RYR3: variants seen among roughly 807,000 people sequenced by gnomAD.
RYR3 encodes the protein brain ryanodine receptor-calcium release channel.
RYR3 carries 207 observed loss-of-function variants against 584.3 expected under a neutral mutation model. The observed-to-expected ratio is 0.35, with a 90% confidence interval of 0.32 to 0.40. The LOEUF (loss-of-function observed/expected upper bound fraction) is 0.40. Ranked by LOEUF, RYR3 falls within the 10% of genes least tolerant of loss-of-function variation. The pLI is 1.00. For missense variants in RYR3, 5,616 were observed against 6,089.2 expected, an observed-to-expected ratio of 0.92 and a Z score of 2.59; for synonymous variants, 2,416 against 2,248.5, an observed-to-expected ratio of 1.07 and a Z score of -2.11.
intron 1 of RYR3, among the ~76,000 whole-genome samples, chr15:33,357,022 G>A (rs1974076274): frequency 6.6e-6 from 1 of 152,126 alleles, no homozygotes; most frequent in African/African-American, 2.4e-5. Flanking sequence ...GAAGTGGAAG[G>A]TGTCGTGTCC....
At chr15:33,444,837 A>G (rs12906772) in intron 1 of RYR3, among the ~76,000 whole-genome samples, 14,722 of 152,142 alleles carry the variant, frequency 0.097, 813 homozygotes, top group Non-Finnish European at 0.12. Flanking sequence ...GCACACCAAC[A>G]TGGCACATGT....
chr15:33,610,652 T>C (rs1183711848), intron 18 of RYR3, among the ~76,000 whole-genome samples: 1 of 152,248 alleles, frequency 6.6e-6, no homozygotes, highest in East Asian at 1.9e-4. Flanking sequence ...GAATCTGTTA[T>C]AGGTTGAGTA....
At position 33,669,849 on chromosome 15, in the gene RYR3, G is replaced by A. The variant is rs1296554038; in HGVS notation, c.5722+393G>A. Among the ~76,000 whole-genome samples the A allele has an allele frequency of 1.4e-4, 7 of 50,338 alleles. 1 individual carries two copies. The highest frequency in any genetic ancestry group is 3.4e-4 in the Non-Finnish European group (7 of 20,564). The allele number at this position is 50,338 out of a possible 152,430, so 33.0% of individuals were successfully genotyped here. A position where few individuals can be genotyped will look rare whatever the true frequency, so the allele number is the denominator to read the frequency against. On this transcript the variant is annotated intron_variant, in intron 37 of 103. Coordinates refer to ENST00000634891, the MANE Select transcript of RYR3 (RefSeq NM_001036.6). The stretch of plus-strand genomic sequence containing the variant: ...TATTAGGGGTGTGTGTGTGTGGGGG[G>A]GGGGGGGGGTGTGGGTGTGTGGGTG...
chr15:33,385,328 T>C (rs1275989170), intron 1 of RYR3, among the ~76,000 whole-genome samples: 1 of 152,206 alleles, frequency 6.6e-6, no homozygotes, highest in Admixed American at 6.5e-5. Context: ...AGAAATATGT[T>C]CTCTTTGCTA....
rs1567636706 is a variant in RYR3, at chr15:33,601,520, C to T, written c.1890C>T (p.Leu630=). ...CDNLLPRRNL[L]LQTRLINDVT... ...ACTTGCTGCCCCGGAGAAACCTACTCCTGCAGACACGACTGATTAACGATG... is the reference window on the plus strand; with the variant it reads ...ACTTGCTGCCCCGGAGAAACCTACTTCTGCAGACACGACTGATTAACGATG... The change falls in exon 17 of 104, where the codon CTC becomes CTT. Residue 630 remains leucine (L), a synonymous_variant. Coordinates refer to ENST00000634891, the MANE Select transcript of RYR3 (RefSeq NM_001036.6). 6.2e-7 allele frequency: 1 copy of T among 1,613,800 alleles called. No homozygotes were observed. Among genetic ancestry groups the T allele is most frequent in the South Asian group, 1.1e-5 (1 of 91,008 alleles).
chr15:33,584,595 A>G (rs1045764104), intron 15 of RYR3, 105 bp downstream of exon 15: 2 of 587,022 alleles, frequency 3.4e-6, no homozygotes, highest in Non-Finnish European at 6.0e-6. Flanking sequence ...ATTGCAAACA[A>G]TCCTCAAATC....
chr15:33,709,501 G>C (rs1446883216), intron 43 of RYR3, among the ~76,000 whole-genome samples: 2 of 152,224 alleles, frequency 1.3e-5, no homozygotes, highest in Non-Finnish European at 2.9e-5. Flanking sequence ...TTAATCCCGA[G>C]AGTTGGGAGA....
chr15:33,377,366 A>C (rs935824921), intron 1 of RYR3, among the ~76,000 whole-genome samples: 1 of 152,170 alleles, frequency 6.6e-6, no homozygotes, highest in Non-Finnish European at 1.5e-5. Context: ...CCAAGACCAC[A>C]TGGATGGGGA....
chr15:33,635,442 GTGA>G (rs1425363288), intron 25 of RYR3, among the ~76,000 whole-genome samples, 169 bp from the exon 26 acceptor site: 2 of 152,190 alleles, frequency 1.3e-5, no homozygotes, highest in Non-Finnish European at 2.9e-5. Context: ...AGCTTGTATG[GTGA>G]TGATGATGAC....
In RYR3 at chr15:33,733,001, G is replaced by A. The variant is rs909596395; in HGVS notation, c.7424+1307G>A. On this transcript the variant is annotated intron_variant, in intron 48 of 103. Coordinates refer to ENST00000634891, the MANE Select transcript of RYR3 (RefSeq NM_001036.6). The stretch of plus-strand genomic sequence containing the variant: ...AAAAAAACTCATCGGTCCTCACATC[G>A]ATGTGAGTAGAACATCACACCAAAA... Among the ~76,000 whole-genome samples, 5 of 152,294 alleles carry A rather than the reference G, an allele frequency of 3.3e-5. No individual in the cohort carries two copies. In the East Asian group the frequency reaches 7.7e-4, roughly 24 times the overall value.
Position 33,805,759 on chromosome 15 carries a change from G to A in RYR3, c.10012-1796G>A, listed in dbSNP as rs532017331. 7.9e-5 allele frequency among the ~76,000 whole-genome samples: 12 copies of A among 152,118 alleles called. No individual in the cohort carries two copies. In the East Asian group the frequency reaches 2.3e-3, roughly 30 times the overall value. The stretch of plus-strand genomic sequence containing the variant: ...CCCAAAGTGCTGGGATTACAGGCTT[G>A]AGCCACCACACCCGGCCTTCTCTTT... On this transcript the variant is annotated intron_variant, in intron 69 of 103. Transcript: ENST00000634891.
At chr15:33,618,493 G>A (rs17236336) in intron 19 of RYR3, among the ~76,000 whole-genome samples, 15,670 of 152,054 alleles carry the variant, frequency 0.1, 997 homozygotes, top group Admixed American at 0.15. Context: ...TCAAACACTA[G>A]CCAGAAAGAA....
intron 101 of RYR3, 31 bp from the exon 102 acceptor site, chr15:33,861,047 A>G (rs935175657): frequency 1.2e-5 from 18 of 1,488,306 alleles, no homozygotes; most frequent in Non-Finnish European, 1.7e-5. Context: ...TTATGCCAAC[A>G]AATGCCTTTT....
At chr15:33,407,207 G>T (rs556090702) in intron 1 of RYR3, among the ~76,000 whole-genome samples, 15 of 152,188 alleles carry the variant, frequency 9.9e-5, no homozygotes, top group Non-Finnish European at 1.9e-4. Context: ...TATCTTAAAG[G>T]CCCCACCTCT....
chr15:33,491,699 C>T (rs187748499), intron 2 of RYR3, among the ~76,000 whole-genome samples: 22 of 152,186 alleles, frequency 1.4e-4, no homozygotes, highest in Non-Finnish European at 2.8e-4. Context: ...CTCAGCAAAG[C>T]GGAGGAAGGG....
chr15:33,855,831 A>G (rs2079600920), intron 98 of RYR3: 1 of 152,228 alleles, frequency 6.6e-6, no homozygotes, highest in African/African-American at 2.4e-5. Flanking sequence ...GACTGGATAT[A>G]GCAACGGCTA....
intron 16 of RYR3, among the ~76,000 whole-genome samples, chr15:33,591,978 A>G (rs1480211853): frequency 1.3e-5 from 2 of 152,230 alleles, no homozygotes; most frequent in African/African-American, 4.8e-5. Context: ...TTATCTTCAA[A>G]GTATAATTCC....
intron 28 of RYR3, 189 bp from the exon 29 acceptor site, chr15:33,646,162 G>A: frequency 2.0e-6 from 1 of 508,618 alleles, no homozygotes; most frequent in Non-Finnish European, 3.5e-6. Flanking sequence ...CTAGCCAGGA[G>A]CAGATCTGTT....
chr15:33,622,907 T>C (rs2060797666), intron 19 of RYR3, among the ~76,000 whole-genome samples: 1 of 152,224 alleles, frequency 6.6e-6, no homozygotes, highest in African/African-American at 2.4e-5. Context: ...TGGGGAACTT[T>C]AGGGTCCAAT....
Sources: gnomAD v4.1 joint callset for allele counts (sites outside exome capture counted in the v4.1 genomes callset) on GRCh38, gnomAD v4.1.1 for gene constraint, MANE v1.5 for transcripts, NCBI Gene and HGNC (gene_info 2026-07-23, HGNC 2026-07-21) for gene names.